The following KLHL1 variants were observed in gnomAD, a reference collection of about 807,000 sequenced individuals.
The protein encoded by KLHL1 is kelch like family member 1.
In KLHL1, 47 loss-of-function variants were observed where a neutral mutation model predicts 77.7. The ratio of observed to expected loss-of-function variants is 0.60; its 90% CI spans 0.48 to 0.77. The LOEUF is 0.77. Among genes scored for constraint, KLHL1 ranks in the 30% least tolerant of loss-of-function variants. The pLI is 0.00. For missense variants in KLHL1, 925 were observed against 910.8 expected (o/e 1.02, Z -0.20); for synonymous variants, 360 against 325.2 (o/e 1.11, Z -1.15).
rs1253079830 is a variant in KLHL1, at chr13:69,721,060, A to G, written c.1803-1479T>C. ...TCTATTCCTAGAAAAGATAGCTACT[A>G]AGATATATATATATATATAAAGCTA... On this transcript the variant is annotated intron_variant, in intron 8 of 10. Transcript: ENST00000377844. Among the ~76,000 whole-genome samples, 6 of 19,404 alleles carry G rather than the reference A, an allele frequency of 3.1e-4. 1 individual carries two copies. In the Admixed American group the frequency reaches 3.8e-3, roughly 12 times the overall value. The allele number at this position is 19,404 out of a possible 152,430, so 12.7% of individuals were successfully genotyped here. A position where few individuals can be genotyped will look rare whatever the true frequency, so the allele number is the denominator to read the frequency against.
chr13:69,762,977 C>T (rs147480557), intron 7 of KLHL1, among the ~76,000 whole-genome samples: 175 of 152,142 alleles, frequency 1.2e-3, no homozygotes, highest in African/African-American at 4.0e-3. Context: ...TTGTCCACTC[C>T]TCTTAACCTA....
intron 5 of KLHL1, among the ~76,000 whole-genome samples, chr13:69,842,712 G>C (rs910238897): frequency 9.2e-5 from 14 of 151,784 alleles, no homozygotes; most frequent in African/African-American, 3.4e-4. Flanking sequence ...AAAGAAATCA[G>C]TATATCAAAG....
intron 1 of KLHL1, among the ~76,000 whole-genome samples, chr13:70,025,326 C>G (rs368670609): frequency 5.3e-5 from 8 of 152,078 alleles, no homozygotes; most frequent in African/African-American, 1.7e-4. Flanking sequence ...GTGGTGATCT[C>G]ATTTAGTTGA....
At chr13:70,043,199 C>A (rs1361097532) in intron 1 of KLHL1, among the ~76,000 whole-genome samples, 1 of 151,624 alleles carries the variant, frequency 6.6e-6, no homozygotes, top group Admixed American at 6.6e-5. Context: ...CCACTGCAAC[C>A]AGCCATGTGT....
At chr13:70,080,108 T>C (rs1163567678) in intron 1 of KLHL1, among the ~76,000 whole-genome samples, 1 of 152,172 alleles carries the variant, frequency 6.6e-6, no homozygotes, top group Non-Finnish European at 1.5e-5. Flanking sequence ...TTAGACAACA[T>C]GCAGCCTAGT....
At chr13:69,929,961 C>G (rs1458863250) in intron 4 of KLHL1, among the ~76,000 whole-genome samples, 1 of 151,736 alleles carries the variant, frequency 6.6e-6, no homozygotes, top group African/African-American at 2.4e-5. Context: ...TGATGGTTGG[C>G]TGGTGTTATC....
intron 1 of KLHL1, among the ~76,000 whole-genome samples, chr13:69,984,856 C>G (rs1481893609): frequency 6.6e-6 from 1 of 152,096 alleles, no homozygotes; most frequent in South Asian, 2.1e-4. Flanking sequence ...CACCTGTAAT[C>G]CCAGCACTTT....
chr13:69,903,509 TTCTA>T (rs1274066889), intron 4 of KLHL1, among the ~76,000 whole-genome samples: 8 of 74 alleles, frequency 0.11, no homozygotes, highest in African/African-American at 0.19. Flanking sequence ...CCTTTCTTCG[TTCTA>T]GTTCTCTAGA....
At chr13:70,098,160 T>G (rs2137450797) in intron 1 of KLHL1, among the ~76,000 whole-genome samples, 1 of 151,936 alleles carries the variant, frequency 6.6e-6, no homozygotes, top group Non-Finnish European at 1.5e-5. Flanking sequence ...GGTATGATGT[T>G]TTAAACTCTC....
At chr13:69,894,540 A>G (rs1015223464) in intron 4 of KLHL1, 1 of 155,518 alleles carries the variant, frequency 6.4e-6, no homozygotes. Flanking sequence ...AATTTCATCT[A>G]TAAACACAAT....
intron 9 of KLHL1, among the ~76,000 whole-genome samples, chr13:69,714,555 A>G (rs1246389250): frequency 6.6e-6 from 1 of 151,900 alleles, no homozygotes; most frequent in South Asian, 2.1e-4. Flanking sequence ...AATTAGCACT[A>G]TAAATCCAAA....
At chr13:69,928,829 T>C (rs758347837) in intron 4 of KLHL1, among the ~76,000 whole-genome samples, 11 of 152,144 alleles carry the variant, frequency 7.2e-5, no homozygotes, top group Non-Finnish European at 1.0e-4. Context: ...CTACAAGTGA[T>C]AGTGGTGATA....
chr13:69,838,897 T>C (rs779624099), intron 6 of KLHL1, 79 bp downstream of exon 6: 2 of 864,270 alleles, frequency 2.3e-6, no homozygotes, highest in Non-Finnish European at 3.3e-6. Flanking sequence ...TCATTTTTTG[T>C]AGTATCACCA....
intron 7 of KLHL1, among the ~76,000 whole-genome samples, chr13:69,789,055 CTATCTA>C (rs1253188367): frequency 7.2e-6 from 1 of 139,642 alleles, no homozygotes; most frequent in Non-Finnish European, 1.6e-5. Flanking sequence ...ATCTATCTAT[CTATCTA>C]TCTACTTATT....
chr13:69,771,835 G>A (rs1230346315), intron 7 of KLHL1, among the ~76,000 whole-genome samples: 2 of 152,080 alleles, frequency 1.3e-5, no homozygotes, highest in Non-Finnish European at 2.9e-5. Flanking sequence ...GTCAAATTAG[G>A]AAGACATGCG....
At chr13:69,991,683 A>T (rs1410484953) in intron 1 of KLHL1, among the ~76,000 whole-genome samples, 2 of 152,062 alleles carry the variant, frequency 1.3e-5, no homozygotes, top group African/African-American at 4.8e-5. Flanking sequence ...AACCAAAAAA[A>T]AAAAGCCTGG....
intron 8 of KLHL1, among the ~76,000 whole-genome samples, chr13:69,737,033 C>A (rs1164045011): frequency 1.3e-5 from 2 of 152,064 alleles, no homozygotes; most frequent in African/African-American, 4.8e-5. Flanking sequence ...GCGCAACCCA[C>A]GGAAAGTGAG....
intron 7 of KLHL1, among the ~76,000 whole-genome samples, chr13:69,784,450 C>T (rs1210532152): frequency 1.3e-5 from 2 of 152,098 alleles, no homozygotes; most frequent in Non-Finnish European, 2.9e-5. Flanking sequence ...ATCTCATGTG[C>T]AGAGACACAC....
chr13:69,930,295 T>C (rs1882958881), intron 4 of KLHL1, among the ~76,000 whole-genome samples: 2 of 151,884 alleles, frequency 1.3e-5, no homozygotes, highest in Non-Finnish European at 3.0e-5. Flanking sequence ...AGTGAATTCA[T>C]CAAGGTATTT....
Sources: gnomAD v4.1 joint callset for allele counts (sites outside exome capture counted in the v4.1 genomes callset) on GRCh38, gnomAD v4.1.1 for gene constraint, MANE v1.5 for transcripts, NCBI Gene and HGNC (gene_info 2026-07-23, HGNC 2026-07-21) for gene names.